Variants in ALDH1A2 observed in about 807,000 individuals in gnomAD.
The protein encoded by ALDH1A2 is aldehyde dehydrogenase 1 family member A2.
ALDH1A2 carries 27 observed loss-of-function variants against 60.3 expected under a neutral mutation model. That is an observed-to-expected ratio of 0.45 (90% CI 0.33 to 0.62). The LOEUF (loss-of-function observed/expected upper bound fraction) is 0.62. ALDH1A2 is among the 20% of genes least tolerant of loss of function. The pLI, the probability that ALDH1A2 is intolerant of heterozygous loss-of-function variation, is 0.02. For missense variants in ALDH1A2, 581 were observed against 643.8 expected (o/e 0.90, Z 1.06); for synonymous variants, 289 against 232.4 (o/e 1.24, Z -2.21).
intron 1 of ALDH1A2, among the ~76,000 whole-genome samples, chr15:58,016,512 T>G (rs1895794168): frequency 6.6e-6 from 1 of 152,200 alleles, no homozygotes; most frequent in African/African-American, 2.4e-5. Context: ...TGACTTTTGT[T>G]TCTTACAGGT....
intron 4 of ALDH1A2, among the ~76,000 whole-genome samples, chr15:58,001,137 A>C (rs1372560897): frequency 6.6e-6 from 1 of 151,806 alleles, no homozygotes; most frequent in African/African-American, 2.4e-5. Context: ...TCTCTGAAAA[A>C]AATAGAGCAA....
At chr15:57,966,021 A>C (rs1893885871) in intron 7 of ALDH1A2, among the ~76,000 whole-genome samples, 194 bp from the exon 8 acceptor site, 1 of 152,218 alleles carries the variant, frequency 6.6e-6, no homozygotes, top group Non-Finnish European at 1.5e-5. Context: ...GCTGGAGTGA[A>C]CTGGAAGACA....
intron 1 of ALDH1A2, among the ~76,000 whole-genome samples, chr15:58,037,542 C>A (rs867705881): frequency 1.3e-5 from 2 of 151,428 alleles, no homozygotes; most frequent in Non-Finnish European, 3.0e-5. Context: ...TTAGAAAAAC[C>A]ATTAAAGCAA....
chr15:57,993,601 A>G (rs1190988286), intron 5 of ALDH1A2, among the ~76,000 whole-genome samples: 1 of 152,238 alleles, frequency 6.6e-6, no homozygotes, highest in Non-Finnish European at 1.5e-5. Flanking sequence ...TAAACTGCAT[A>G]TACTGATGAG....
rs1894372648 is a variant in ALDH1A2, at chr15:57,978,836, A to C, written c.799-13009T>G. Among the ~76,000 whole-genome samples, 6 of 152,294 alleles carry C rather than the reference A, an allele frequency of 3.9e-5. No individual in the cohort carries two copies. In the South Asian group the frequency reaches 1.2e-3, roughly 32 times the overall value. ...TGGATTACCTGAGGCCAGGAGTTTG[A>C]GACCAGCCTGGCTAACATGGTGAAA... is the stretch of plus-strand genomic sequence containing the variant. On this transcript the variant is annotated intron_variant, in intron 7 of 12. Transcript: ENST00000249750.
chr15:57,958,147 C>A lies in ALDH1A2; in HGVS notation c.1484+2623G>T, dbSNP rs114457978. ...ATCTCTGAGAGTGGGTCCCTAGATA[C>A]GCATGCTTAACAAAACCATCACCCA... is the stretch of plus-strand genomic sequence containing the variant. On this transcript the variant is annotated intron_variant, in intron 12 of 12. Coordinates refer to ENST00000249750, the MANE Select transcript of ALDH1A2 (RefSeq NM_003888.4). Among the ~76,000 whole-genome samples, 479 of 152,274 alleles carry A rather than the reference C, an allele frequency of 3.1e-3. 6 individuals are homozygous for A. Among genetic ancestry groups the A allele is most frequent in the African/African-American group, 0.011 (446 of 41,566 alleles).
intron 4 of ALDH1A2, among the ~76,000 whole-genome samples, chr15:57,997,808 C>A (rs539468980): frequency 6.6e-6 from 1 of 151,896 alleles, no homozygotes; most frequent in Non-Finnish European, 1.5e-5. Context: ...TTGGATAAAC[C>A]GTTCACATAT....
chr15:57,976,498 T>C (rs1319197196), intron 7 of ALDH1A2, among the ~76,000 whole-genome samples: 1 of 152,176 alleles, frequency 6.6e-6, no homozygotes, highest in Non-Finnish European at 1.5e-5. Flanking sequence ...CTCTCACTTA[T>C]GAATGAGAAC....
At position 58,014,001 on chromosome 15, in the gene ALDH1A2, G is replaced by A. The variant is rs1449474963; in HGVS notation, c.223-3C>T. The A allele has an allele frequency of 4.3e-6, 7 of 1,614,094 alleles. No homozygotes were observed. Among genetic ancestry groups the A allele is most frequent in the African/African-American group, 1.3e-5 (1 of 75,034 alleles). The stretch of plus-strand genomic sequence containing the variant: ...TGCACTGCTTTGTCTATATCTGCCT[G>A]TTAGAGAGGAAGAGGCACAACTGAA... On this transcript the variant is annotated splice_polypyrimidine_tract_variant and splice_region_variant and intron_variant, in intron 2 of 12. Transcript: ENST00000249750.
At chr15:58,061,614 A>AC (rs1897039760) in intron 1 of ALDH1A2, among the ~76,000 whole-genome samples, 2 of 127,856 alleles carry the variant, frequency 1.6e-5, no homozygotes, top group East Asian at 2.4e-4. Flanking sequence ...AAAAAACAAA[A>AC]AAAAAAAAAA....
Position 58,065,580 on chromosome 15 carries a change from TGCA to T in ALDH1A2, c.68_70del (p.Leu23del), listed in dbSNP as rs1897155921. 1 of 1,613,042 alleles carries T rather than the reference TGCA, an allele frequency of 6.2e-7. No individual in the cohort carries two copies. Among genetic ancestry groups the T allele is most frequent in the African/African-American group, 1.3e-5 (1 of 74,812 alleles). On this transcript the variant is annotated inframe_deletion, in exon 1 of 13. Coordinates refer to ENST00000249750, the MANE Select transcript of ALDH1A2 (RefSeq NM_003888.4). ...ATTGGGCGTGGGCGACGGCAGGAGGTGCAGCGACGCCATGAGGGCGGCGGGGTC... is the reference window on the plus strand; with the variant it reads ...ATTGGGCGTGGGCGACGGCAGGAGGTGCGACGCCATGAGGGCGGCGGGGTC...
chr15:58,046,010 T>C (rs1318020670), intron 1 of ALDH1A2, among the ~76,000 whole-genome samples: 1 of 152,024 alleles, frequency 6.6e-6, no homozygotes, highest in Non-Finnish European at 1.5e-5. Context: ...CTGGGCACCA[T>C]GGCAGGAAAT....
intron 1 of ALDH1A2, among the ~76,000 whole-genome samples, chr15:58,053,191 T>C (rs1896818250): frequency 6.6e-6 from 1 of 152,096 alleles, no homozygotes; most frequent in African/African-American, 2.4e-5. Context: ...ACAGTAATAA[T>C]AAAGTTCGAA....
intron 7 of ALDH1A2, among the ~76,000 whole-genome samples, chr15:57,977,521 T>C (rs1163121029): frequency 6.6e-6 from 1 of 152,214 alleles, no homozygotes; most frequent in Non-Finnish European, 1.5e-5. Context: ...CAGATGGTTG[T>C]AGATGTATGG....
chr15:57,957,916 G>A (rs1246088025), intron 12 of ALDH1A2, among the ~76,000 whole-genome samples: 1 of 152,130 alleles, frequency 6.6e-6, no homozygotes, highest in East Asian at 1.9e-4. Context: ...GGACTGAGAG[G>A]GTGGGTGGGA....
At chr15:58,058,656 G>T (rs1165437665) in intron 1 of ALDH1A2, among the ~76,000 whole-genome samples, 6 of 152,058 alleles carry the variant, frequency 3.9e-5, no homozygotes, top group Admixed American at 3.9e-4. Flanking sequence ...ATAAGAAACA[G>T]GTGTTTCCAG....
intron 2 of ALDH1A2, 35 bp downstream of exon 2, chr15:58,014,142 T>C: frequency 6.2e-7 from 1 of 1,614,148 alleles, no homozygotes; most frequent in Non-Finnish European, 8.5e-7. Context: ...AAGGCAGTTA[T>C]TTCATAGGAA....
intron 1 of ALDH1A2, among the ~76,000 whole-genome samples, chr15:58,019,138 A>G (rs1895856757): frequency 6.6e-6 from 1 of 152,146 alleles, no homozygotes; most frequent in African/African-American, 2.4e-5. Context: ...ATCTGAAATT[A>G]TTTCAAAATG....
At chr15:58,065,428 A>T in intron 1 of ALDH1A2, 106 bp downstream of exon 1, 1 of 1,001,674 alleles carries the variant, frequency 1.0e-6, no homozygotes, top group Non-Finnish European at 1.6e-6. Flanking sequence ...GCTGGCCCCG[A>T]CGACCCCGGC....
Sources: allele counts gnomAD v4.1 joint callset (sites outside exome capture counted in the v4.1 genomes callset), GRCh38; gene constraint gnomAD v4.1.1; transcripts MANE v1.5; gene names NCBI Gene and HGNC (gene_info 2026-07-23, HGNC 2026-07-21).